FAM184B: variants seen among roughly 807,000 people sequenced by gnomAD.
The protein encoded by FAM184B is protein FAM184B.
Under a neutral mutation model 135.9 loss-of-function variants are expected in FAM184B, and 111 were observed. That is an observed-to-expected ratio of 0.82 (90% CI 0.70 to 0.96). The LOEUF is 0.96. FAM184B is among the 40% of genes least tolerant of loss of function. The pLI, the probability that FAM184B is intolerant of heterozygous loss-of-function variation, is 0.00. For missense variants in FAM184B, 1,375 were observed against 1,323.9 expected (o/e 1.04, Z -0.60); for synonymous variants, 552 against 524.8 (o/e 1.05, Z -0.71).
At chr4:17,692,934 A>G (rs985430328) in intron 6 of FAM184B, among the ~76,000 whole-genome samples, 1 of 151,978 alleles carries the variant, frequency 6.6e-6, no homozygotes, top group Admixed American at 6.6e-5. Flanking sequence ...TAAATTTTTA[A>G]TATTTTTTAA....
intron 1 of FAM184B, among the ~76,000 whole-genome samples, chr4:17,780,200 C>T (rs1560200087): frequency 6.6e-6 from 1 of 151,854 alleles, no homozygotes; most frequent in Non-Finnish European, 1.5e-5. Flanking sequence ...TGTGATCCCA[C>T]AAAAAAATGT....
intron 16 of FAM184B, 79 bp from the exon 17 acceptor site, chr4:17,633,967 T>G: frequency 8.6e-7 from 1 of 1,156,524 alleles, no homozygotes; most frequent in Non-Finnish European, 1.1e-6. Context: ...CAAATAATGC[T>G]CACCCAATCA....
At chr4:17,737,346 T>G (rs1332793804) in intron 1 of FAM184B, among the ~76,000 whole-genome samples, 5 of 152,012 alleles carry the variant, frequency 3.3e-5, no homozygotes, top group Admixed American at 3.3e-4. Flanking sequence ...TAGAGCCTGT[T>G]CCATGATTTT....
chr4:17,688,957 G>T (rs977105073), intron 6 of FAM184B, among the ~76,000 whole-genome samples: 1 of 152,016 alleles, frequency 6.6e-6, no homozygotes, highest in African/African-American at 2.4e-5. Context: ...CCTCCAAAAG[G>T]GCTGGGATTA....
At chr4:17,722,452 G>T (rs1190990143) in intron 1 of FAM184B, among the ~76,000 whole-genome samples, 2 of 152,300 alleles carry the variant, frequency 1.3e-5, no homozygotes, top group East Asian at 3.9e-4. Context: ...TGGATTTCTA[G>T]ATAGATCCAA....
At chr4:17,702,011 A>G (rs758482) in intron 5 of FAM184B, among the ~76,000 whole-genome samples, 144,379 of 152,270 alleles carry the variant, frequency 0.95, 68,894 homozygotes, top group Non-Finnish European at 1. Context: ...TAGATAGCTC[A>G]GTCAGTTCTC....
intron 1 of FAM184B, among the ~76,000 whole-genome samples, chr4:17,713,618 A>G (rs1329966883): frequency 2.0e-5 from 3 of 152,194 alleles, no homozygotes; most frequent in Admixed American, 6.5e-5. Flanking sequence ...CAACCCTGCA[A>G]TTTGGTATTT....
intron 13 of FAM184B, among the ~76,000 whole-genome samples, chr4:17,641,734 G>A (rs1334556757): frequency 2.8e-5 from 4 of 140,500 alleles, no homozygotes; most frequent in East Asian, 2.1e-4. Flanking sequence ...TCCTGACCTC[G>A]TGATGCGCCC....
At chr4:17,643,540 C>CTCCA (rs748573342) in intron 12 of FAM184B, among the ~76,000 whole-genome samples, 65 of 152,174 alleles carry the variant, frequency 4.3e-4, no homozygotes, top group Admixed American at 7.2e-4. Flanking sequence ...CCCCAGCTGT[C>CTCCA]TCCATCCCAC....
intron 6 of FAM184B, among the ~76,000 whole-genome samples, chr4:17,691,425 C>T (rs968139920): frequency 6.6e-6 from 1 of 152,176 alleles, no homozygotes; most frequent in Non-Finnish European, 1.5e-5. Context: ...GTGGCTCACG[C>T]CTGTAATCCC....
At chr4:17,645,910 G>A (rs2108933229) in intron 12 of FAM184B, among the ~76,000 whole-genome samples, 1 of 152,264 alleles carries the variant, frequency 6.6e-6, no homozygotes, top group South Asian at 2.1e-4. Context: ...ATCAACAAGT[G>A]GGTGAAGGAT....
chr4:17,780,190 T>C (rs145781870), intron 1 of FAM184B, among the ~76,000 whole-genome samples: 9 of 152,174 alleles, frequency 5.9e-5, no homozygotes, highest in African/African-American at 1.9e-4. Context: ...GGGGAATGTC[T>C]GTGATCCCAC....
intron 12 of FAM184B, among the ~76,000 whole-genome samples, chr4:17,647,085 C>G (rs1715487472): frequency 6.6e-6 from 1 of 152,130 alleles, no homozygotes; most frequent in Non-Finnish European, 1.5e-5. Flanking sequence ...CCCTGAGATA[C>G]CATTGCGTCT....
chr4:17,677,944 GA>G (rs1716352742), intron 7 of FAM184B, among the ~76,000 whole-genome samples: 1 of 147,384 alleles, frequency 6.8e-6, no homozygotes, highest in African/African-American at 2.4e-5. Context: ...AATAGATGCA[GA>G]AAAAGCATCT....
intron 1 of FAM184B, among the ~76,000 whole-genome samples, chr4:17,739,414 G>T (rs796791868): frequency 2.0e-5 from 3 of 152,076 alleles, no homozygotes; most frequent in Non-Finnish European, 4.4e-5. Flanking sequence ...ATCTCCACAG[G>T]TGTTCATTAT....
chr4:17,754,936 T>C (rs1718386412), intron 1 of FAM184B, among the ~76,000 whole-genome samples: 1 of 152,062 alleles, frequency 6.6e-6, no homozygotes, highest in African/African-American at 2.4e-5. Context: ...TGCAGTGGCA[T>C]GATCATAGCT....
chr4:17,688,986 C>T (rs539321129), intron 6 of FAM184B, among the ~76,000 whole-genome samples: 4 of 152,302 alleles, frequency 2.6e-5, no homozygotes, highest in Non-Finnish European at 5.9e-5. Context: ...AGCCACTGTG[C>T]CCGGCCTAGA....
At chr4:17,767,271 T>G (rs1358080842) in intron 1 of FAM184B, among the ~76,000 whole-genome samples, 1 of 152,180 alleles carries the variant, frequency 6.6e-6, no homozygotes, top group African/African-American at 2.4e-5. Context: ...AGCGGTGGGC[T>G]GAAGGGCTCC....
At chr4:17,770,655 G>A (rs562199969) in intron 1 of FAM184B, among the ~76,000 whole-genome samples, 4 of 152,198 alleles carry the variant, frequency 2.6e-5, no homozygotes, top group South Asian at 2.1e-4. Flanking sequence ...TACTAGAGAC[G>A]GGGTTTCACC....
Sources: allele counts gnomAD v4.1 joint callset (sites outside exome capture counted in the v4.1 genomes callset), GRCh38; gene constraint gnomAD v4.1.1; transcripts MANE v1.5; gene names NCBI Gene and HGNC (gene_info 2026-07-23, HGNC 2026-07-21).